The following MEIOB variants were observed in gnomAD, a reference collection of about 807,000 sequenced individuals.
MEIOB encodes meiosis-specific with OB domain-containing protein.
MEIOB carries 50 observed loss-of-function variants against 53.1 expected under a neutral mutation model. That is an observed-to-expected ratio of 0.94 (90% CI 0.75 to 1.19). The LOEUF is 1.19. Among genes scored for constraint, MEIOB ranks in the 50% most tolerant of loss-of-function variants. MEIOB has a pLI of 0.00. For synonymous variants in MEIOB, 192 were observed against 182.5 expected, an observed-to-expected ratio of 1.05 and a Z score of -0.42; for missense variants, 551 against 550.8, an observed-to-expected ratio of 1.00 and a Z score of 0.00.
chr16:1,865,632 A>T, intron 3 of MEIOB, 146 bp downstream of exon 3: 1 of 596,164 alleles, frequency 1.7e-6, no homozygotes, highest in Non-Finnish European at 2.9e-6. Context: ...GCCTTGAATC[A>T]GGTACTTGAC....
At chr16:1,848,815 A>G (rs1300350992) in intron 9 of MEIOB, among the ~76,000 whole-genome samples, 1 of 148,652 alleles carries the variant, frequency 6.7e-6, no homozygotes, top group Non-Finnish European at 1.5e-5. Flanking sequence ...AAGTGTTGGG[A>G]TTACAGGCAT....
At chr16:1,866,863 T>C (rs1899607019) in intron 2 of MEIOB, among the ~76,000 whole-genome samples, 1 of 152,234 alleles carries the variant, frequency 6.6e-6, no homozygotes, top group South Asian at 2.1e-4. Flanking sequence ...AATCAGGCTT[T>C]TAAGACTCCT....
At chr16:1,841,752 C>A in intron 11 of MEIOB, 68 bp downstream of exon 11, 1 of 1,227,722 alleles carries the variant, frequency 8.1e-7, no homozygotes. Flanking sequence ...TTTTAGAGAG[C>A]TTAAAATTTA....
chr16:1,865,431 C>CAAA (rs375392458), intron 3 of MEIOB, among the ~76,000 whole-genome samples: 81,716 of 143,622 alleles, frequency 0.57, 23,673 homozygotes, highest in Middle Eastern at 0.75. Flanking sequence ...GCCTCCATCT[C>CAAA]AAAAAAAAAA....
At chr16:1,870,639 TCA>T (rs1899720395) in intron 1 of MEIOB, among the ~76,000 whole-genome samples, 1 of 152,206 alleles carries the variant, frequency 6.6e-6, no homozygotes, top group African/African-American at 2.4e-5. Flanking sequence ...GTTCACAGGC[TCA>T]CAGTCAATGA....
intron 9 of MEIOB, among the ~76,000 whole-genome samples, chr16:1,851,711 G>T (rs74552214): frequency 0.042 from 6,430 of 152,210 alleles, 462 homozygotes; most frequent in African/African-American, 0.14. Flanking sequence ...ATTCCTCATA[G>T]TAATTCTATC....
intron 11 of MEIOB, chr16:1,839,749 C>G (rs1898850662): frequency 3.6e-6 from 1 of 275,712 alleles, no homozygotes; most frequent in Admixed American, 5.0e-5. Flanking sequence ...GTATCCCAGC[C>G]TGCAGCCTTT....
intron 1 of MEIOB, among the ~76,000 whole-genome samples, chr16:1,870,655 C>T (rs1899720688): frequency 6.6e-6 from 1 of 152,158 alleles, no homozygotes; most frequent in African/African-American, 2.4e-5. Flanking sequence ...TCAATGATGG[C>T]CCTGCTTGTC....
rs1204352055 is a variant in MEIOB at position 1,872,123 on chromosome 16, C to A, written c.-140G>T. 6.6e-6 allele frequency: 1 copy of A among 152,022 alleles called. No homozygotes were observed. The highest frequency in any genetic ancestry group is 2.1e-4 in the South Asian group (1 of 4,820). The allele number at this position is 152,022 out of a possible 1,614,324, so 9.4% of individuals were successfully genotyped here. ...CCACAGGACGCTCGGGCCACAGCCT[C>A]GTGCAGGTGCGACGGCCGCGCGACC... is the stretch of plus-strand genomic sequence containing the variant. On this transcript the variant is annotated 5_prime_UTR_variant, in exon 1 of 14. Transcript: ENST00000325962.
chr16:1,851,079 ACCTCTCAGAGCCGAGTCAGATGCTGTCAC>A (rs1899157742), intron 9 of MEIOB, among the ~76,000 whole-genome samples: 1 of 151,990 alleles, frequency 6.6e-6, no homozygotes, highest in Non-Finnish European at 1.5e-5. Flanking sequence ...GTCAGAGCAA[ACCTCTCAGAGCCGAGTCAGATGCTGTCAC>A]CGCTCTGCTC....
chr16:1,868,224 T>A (rs1239036130), intron 1 of MEIOB, 40 bp from the exon 2 acceptor site: 20 of 1,043,512 alleles, frequency 1.9e-5, no homozygotes, highest in Non-Finnish European at 2.6e-5. Flanking sequence ...ATAAATTGAA[T>A]AAATGAAATA....
At chr16:1,837,918 A>C in intron 12 of MEIOB, 48 bp from the exon 13 acceptor site, 10 of 1,457,194 alleles carry the variant, frequency 6.9e-6, no homozygotes, top group Non-Finnish European at 9.1e-6. Flanking sequence ...GTTTACAAAG[A>C]AAATTCATTT....
In MEIOB at chr16:1,844,403, C is replaced by T. The variant is rs544111960; in HGVS notation, c.880+459G>A. ...TTTCCCAAAGTGCTGGGATTACAGG[C>T]GTGAGCTACCACACCTGGCCAAGCA... On this transcript the variant is annotated intron_variant, in intron 10 of 13. Coordinates refer to ENST00000325962, the MANE Select transcript of MEIOB (RefSeq NM_001163560.3). Among the ~76,000 whole-genome samples, 4 of 151,702 alleles carry T rather than the reference C, an allele frequency of 2.6e-5. No individual in the cohort carries two copies. The South Asian group carries it at 8.3e-4, about 32-fold the overall frequency.
At chr16:1,866,492 G>C (rs180815208) in intron 2 of MEIOB, among the ~76,000 whole-genome samples, 2 of 152,016 alleles carry the variant, frequency 1.3e-5, no homozygotes, top group Non-Finnish European at 2.9e-5. Flanking sequence ...AGGCTGAGGC[G>C]GGTGGGTCAC....
chr16:1,834,685 C>T lies in MEIOB; in HGVS notation c.1306-319G>A, dbSNP rs183496384. ...CAGTGGCTCACGCCTGTAATCCCAG[C>T]ACTTTGGGAGGCCAAGGCGGGTGGA... On this transcript the variant is annotated intron_variant, in intron 13 of 13. Coordinates refer to ENST00000325962, the MANE Select transcript of MEIOB (RefSeq NM_001163560.3). Among the ~76,000 whole-genome samples the T allele has an allele frequency of 2.1e-3, 318 of 152,362 alleles. 4 individuals are homozygous for T. Among genetic ancestry groups the T allele is most frequent in the African/African-American group, 7.5e-3 (312 of 41,582 alleles).
rs1423761174 is a variant in MEIOB, at chr16:1,837,822, A to G, written c.1267T>C (p.Trp423Arg). Residue 423 changes from tryptophan to arginine, a missense_variant, in exon 13 of 14, where the codon TGG (tryptophan) becomes CGG (arginine). Trp to Arg is a moderately radical substitution (Grantham distance 101). Transcript: ENST00000325962. ...MTDEQKTALK[W>R]QFLLERSKIY... ...TTGCTTCTTTCCAAGAGAAATTGCC[A>G]CTTTAATGCTGTTTTCTGTTCATCT... 1.9e-6 allele frequency: 3 copies of G among 1,540,880 alleles called. No individual in the cohort carries two copies. The highest frequency in any genetic ancestry group is 2.6e-6 in the Non-Finnish European group (3 of 1,142,040).
chr16:1,837,174 A>G (rs528780125), intron 13 of MEIOB, among the ~76,000 whole-genome samples: 1 of 151,900 alleles, frequency 6.6e-6, no homozygotes, highest in South Asian at 2.1e-4. Flanking sequence ...GGGTTGGAGG[A>G]TCATGGAATT....
rs768518569 is a variant in MEIOB, at chr16:1,841,910, C to T, written c.944G>A (p.Gly315Glu). The T allele has an allele frequency of 6.2e-7, 1 of 1,608,648 alleles. No individual in the cohort carries two copies. Among genetic ancestry groups the T allele is most frequent in the Non-Finnish European group, 8.5e-7 (1 of 1,177,276 alleles). Reference protein sequence around the residue: ...QLKGKALKNEGKADPSYGILY... With the variant: ...QLKGKALKNEEKADPSYGILY... ...GATGCCATAGGAAGGATCAGCTTTTCCTTCATTCTTCAAAGCTTTTCCCTT... is the reference window on the plus strand; with the variant it reads ...GATGCCATAGGAAGGATCAGCTTTTTCTTCATTCTTCAAAGCTTTTCCCTT... Residue 315 changes from glycine (G) to glutamate (E), a missense_variant, in exon 11 of 14, where the codon GGA becomes GAA. Transcript: ENST00000325962.
chr16:1,868,329 G>A (rs983287847), intron 1 of MEIOB, 145 bp from the exon 2 acceptor site: 2 of 448,042 alleles, frequency 4.5e-6, no homozygotes, highest in Non-Finnish European at 8.3e-6. Context: ...GGCTGAAGTG[G>A]ATGGATCACC....
Sources: gnomAD v4.1 joint callset for allele counts (sites outside exome capture counted in the v4.1 genomes callset) on GRCh38, gnomAD v4.1.1 for gene constraint, MANE v1.5 for transcripts, NCBI Gene and HGNC (gene_info 2026-07-23, HGNC 2026-07-21) for gene names.